IL19: variants seen among roughly 807,000 people sequenced by gnomAD.
IL19 encodes the protein interleukin-19.
IL19 carries 15 observed loss-of-function variants against 19.5 expected under a neutral mutation model. The ratio of observed to expected loss-of-function variants is 0.77; its 90% confidence interval spans 0.52 to 1.19. The LOEUF is 1.19. IL19 is among the 50% of genes most tolerant of loss of function. The pLI, the probability that IL19 is intolerant of heterozygous loss-of-function variation, is 0.00. For missense variants in IL19, 199 were observed against 213.1 expected (o/e 0.93, Z 0.41); for synonymous variants, 78 against 78.3 (o/e 1.00, Z 0.02).
chr1:206,816,736 G>A (rs1242507113), intron 2 of IL19, among the ~76,000 whole-genome samples: 1 of 152,070 alleles, frequency 6.6e-6, no homozygotes, highest in African/African-American at 2.4e-5. Flanking sequence ...TTAAAAAGGA[G>A]ACATAATCAG....
intron 2 of IL19, among the ~76,000 whole-genome samples, chr1:206,812,753 G>C (rs1176567936): frequency 6.6e-6 from 1 of 152,280 alleles, no homozygotes. Flanking sequence ...GTGGAAGAAG[G>C]AAGTTATAAA....
chr1:206,815,914 T>C (rs1347804062), intron 2 of IL19, among the ~76,000 whole-genome samples: 4 of 152,188 alleles, frequency 2.6e-5, no homozygotes. Context: ...AATAACATTG[T>C]TTCCTTCGAC....
intron 1 of IL19, 75 bp downstream of exon 1, chr1:206,771,153 G>T: frequency 7.1e-7 from 1 of 1,415,880 alleles, no homozygotes; most frequent in Non-Finnish European, 1.0e-6. Flanking sequence ...CTTGGTTCTA[G>T]CGATCCTCCT....
chr1:206,832,246 A>G (rs1425477259), intron 2 of IL19, among the ~76,000 whole-genome samples: 1 of 152,252 alleles, frequency 6.6e-6, no homozygotes, highest in East Asian at 1.9e-4. Flanking sequence ...GGATAGAAAT[A>G]CATAATATTT....
intron 4 of IL19, among the ~76,000 whole-genome samples, chr1:206,839,497 C>A (rs191130720): frequency 6.6e-6 from 1 of 152,216 alleles, no homozygotes; most frequent in Non-Finnish European, 1.5e-5. Flanking sequence ...AGCCATCAGT[C>A]CTTTTAAAAA....
intron 2 of IL19, among the ~76,000 whole-genome samples, chr1:206,821,883 G>T (rs934332719): frequency 1.3e-5 from 2 of 152,184 alleles, no homozygotes; most frequent in African/African-American, 4.8e-5. Context: ...TTTGGGAAAG[G>T]GTTTGGTCTG....
intron 2 of IL19, among the ~76,000 whole-genome samples, chr1:206,835,596 TC>T (rs1676761784): frequency 6.6e-6 from 1 of 152,152 alleles, no homozygotes; most frequent in Non-Finnish European, 1.5e-5. Context: ...CGCAGCTGGC[TC>T]CCTGTGTCTT....
chr1:206,790,142 A>G (rs1455347481), intron 1 of IL19, among the ~76,000 whole-genome samples: 1 of 152,206 alleles, frequency 6.6e-6, no homozygotes, highest in Non-Finnish European at 1.5e-5. Flanking sequence ...GTACTAATAT[A>G]CATTCCTACC....
intron 2 of IL19, among the ~76,000 whole-genome samples, chr1:206,813,286 T>A: frequency 6.6e-6 from 1 of 152,250 alleles, no homozygotes; most frequent in East Asian, 1.9e-4. Context: ...AGGGGTTTTC[T>A]CCTTCCTATA....
At position 206,836,804 on chromosome 1, in the gene IL19, A is replaced by T; in HGVS notation, c.142A>T (p.Ile48Phe). The change falls in exon 3 of 7, where the codon ATC (isoleucine) becomes TTC (phenylalanine). Residue 48 changes from isoleucine (I) to phenylalanine (F), a missense_variant and splice_region_variant. By Grantham distance (21) the Ile-to-Phe change is conservative. Coordinates refer to ENST00000659997, the MANE Select transcript of IL19 (RefSeq NM_153758.5). ...GAGTTTCCAAGAAATCAAAAGAGCC[A>T]TCGTGAGTATGGGTTGGTGTAAAGG... Reference protein sequence around the residue: ...EESFQEIKRAIQAKDTFPNVT... With the variant: ...EESFQEIKRAFQAKDTFPNVT... 1.2e-6 allele frequency: 2 copies of T among 1,614,214 alleles called. No homozygotes were observed. The highest frequency in any genetic ancestry group is 1.7e-6 in the Non-Finnish European group (2 of 1,180,020).
chr1:206,840,874 C>T lies in IL19; in HGVS notation c.364-130C>T, dbSNP rs564764671. 104 of 735,042 alleles carry T rather than the reference C, an allele frequency of 1.4e-4. 2 individuals carry two copies. The South Asian group carries it at 1.7e-3, about 12-fold the overall frequency. 45.5% of individuals were successfully genotyped at this position (735,042 alleles called of 1,614,324 possible). A position where few individuals can be genotyped will look rare whatever the true frequency, so the allele number is the denominator to read the frequency against. ...CTCTATTCTTCCGTGGCTGCTCCCACCTGAGTTTACTCATCTGACTCTCAC... is the reference window on the plus strand; with the variant it reads ...CTCTATTCTTCCGTGGCTGCTCCCATCTGAGTTTACTCATCTGACTCTCAC... On this transcript the variant is annotated intron_variant, in intron 5 of 6. Coordinates refer to ENST00000659997, the MANE Select transcript of IL19 (RefSeq NM_153758.5).
At chr1:206,798,231 G>T (rs1302901069) in intron 1 of IL19, among the ~76,000 whole-genome samples, 1 of 152,134 alleles carries the variant, frequency 6.6e-6, no homozygotes, top group Non-Finnish European at 1.5e-5. Flanking sequence ...GTGCACTGCA[G>T]CTGCCTAGTT....
intron 1 of IL19, among the ~76,000 whole-genome samples, chr1:206,781,840 G>GGGTTATATATACATATATATGTATAT (rs1675139589): frequency 1.5e-5 from 2 of 129,418 alleles, no homozygotes; most frequent in Non-Finnish European, 3.3e-5. Context: ...TCACTTATGT[G>GGGTTATATATACATATATATGTATAT]GGTTATATAT....
chr1:206,826,746 C>T lies in IL19; in HGVS notation c.-2-9915C>T, dbSNP rs149533970. On this transcript the variant is annotated intron_variant, in intron 2 of 6. Transcript: ENST00000659997. ...CACAGAATTAGAGTTCCTCCTGACACGCCTGGACTTGCCAGTTGGGAAGGA... is the reference window on the plus strand; with the variant it reads ...CACAGAATTAGAGTTCCTCCTGACATGCCTGGACTTGCCAGTTGGGAAGGA... 3.5e-4 allele frequency among the ~76,000 whole-genome samples: 53 copies of T among 152,342 alleles called. No homozygotes were observed. In the East Asian group the frequency reaches 8.7e-3, roughly 25 times the overall value.
At chr1:206,777,596 G>T (rs529728896) in intron 1 of IL19, among the ~76,000 whole-genome samples, 1 of 152,250 alleles carries the variant, frequency 6.6e-6, no homozygotes, top group Non-Finnish European at 1.5e-5. Context: ...ATCCGGGCTT[G>T]CTGGACTCTG....
intron 2 of IL19, among the ~76,000 whole-genome samples, chr1:206,823,744 A>G: frequency 6.6e-6 from 1 of 152,218 alleles, no homozygotes; most frequent in East Asian, 1.9e-4. Context: ...CAAACATAAC[A>G]CTCTCCGTTG....
chr1:206,824,501 G>C (rs904795691), intron 2 of IL19, among the ~76,000 whole-genome samples: 1 of 152,194 alleles, frequency 6.6e-6, no homozygotes, highest in East Asian at 1.9e-4. Flanking sequence ...TCAAAAACAT[G>C]TATGGCATTT....
chr1:206,788,872 T>C (rs528908425), intron 1 of IL19, among the ~76,000 whole-genome samples: 4 of 152,372 alleles, frequency 2.6e-5, no homozygotes, highest in Admixed American at 2.6e-4. Flanking sequence ...TGACCCTTGA[T>C]ATCTTTCTTC....
At chr1:206,838,591 G>A (rs1276724434) in intron 4 of IL19, among the ~76,000 whole-genome samples, 4 of 152,142 alleles carry the variant, frequency 2.6e-5, no homozygotes, top group African/African-American at 9.7e-5. Context: ...ACCTTGGGAG[G>A]GAGCATGACT....
Sources: gnomAD v4.1 joint callset for allele counts (sites outside exome capture counted in the v4.1 genomes callset) on GRCh38, gnomAD v4.1.1 for gene constraint, MANE v1.5 for transcripts, NCBI Gene and HGNC (gene_info 2026-07-23, HGNC 2026-07-21) for gene names.